UPP2: variants seen among roughly 807,000 people sequenced by gnomAD.
UPP2 encodes UPase 2.
In UPP2, 23 loss-of-function variants were observed where a neutral mutation model predicts 26.7. The ratio of observed to expected loss-of-function variants is 0.86; its 90% confidence interval spans 0.62 to 1.22. The LOEUF (loss-of-function observed/expected upper bound fraction) is 1.22, where lower values mean the gene tolerates loss of function less well. Among genes scored for constraint, UPP2 ranks in the 50% most tolerant of loss-of-function variants. UPP2 has a pLI of 0.00. For missense variants in UPP2, 387 were observed against 396.7 expected (o/e 0.98, Z 0.21); for synonymous variants, 127 against 141.3 (o/e 0.90, Z 0.72).
At chr2:158,100,438 A>G (rs150301297), upstream of UPP2, among the ~76,000 whole-genome samples, 149 of 152,360 alleles carry the variant, frequency 9.8e-4, no homozygotes, top group African/African-American at 3.3e-3. Flanking sequence ...CCAGAGGTAA[A>G]TGCCAGATTG....
At chr2:158,064,215 G>A (rs1682398653) in intron 3 of UPP2, among the ~76,000 whole-genome samples, 1 of 152,222 alleles carries the variant, frequency 6.6e-6, no homozygotes, top group Admixed American at 6.5e-5. Context: ...CCCACCAACA[G>A]TGTAAAAGTG....
At chr2:158,016,779 G>A (rs1441375417) in intron 3 of UPP2, among the ~76,000 whole-genome samples, 3 of 152,064 alleles carry the variant, frequency 2.0e-5, no homozygotes, top group Admixed American at 2.0e-4. Context: ...ATAATTAAGT[G>A]TTGAGAGGGC....
At chr2:158,091,237 G>A (rs1682907231) in intron 3 of UPP2, among the ~76,000 whole-genome samples, 2 of 152,094 alleles carry the variant, frequency 1.3e-5, no homozygotes, top group Admixed American at 1.3e-4. Context: ...TCTGTGTACT[G>A]GATTCCCATG....
intron 2 of UPP2, among the ~76,000 whole-genome samples, chr2:158,001,150 C>T (rs58970678): frequency 0.021 from 3,152 of 152,316 alleles, 108 homozygotes; most frequent in African/African-American, 0.072. Flanking sequence ...TTCTCAAATG[C>T]ACCTGTTTCT....
chr2:158,008,333 T>C (rs1467405298), intron 2 of UPP2, among the ~76,000 whole-genome samples: 1 of 152,198 alleles, frequency 6.6e-6, no homozygotes, highest in African/African-American at 2.4e-5. Context: ...TAATTACCTT[T>C]TGGAATGCTG....
chr2:158,134,766 C>T lies in UPP2; in HGVS notation c.830C>T (p.Thr277Ile), dbSNP rs967806646. 1.1e-5 allele frequency: 17 copies of T among 1,611,742 alleles called. No homozygotes were observed. The East Asian group carries it at 2.5e-4, about 23-fold the overall frequency. ...CTTCTAGCTGCTGTGGTCTGTGTGA[C>T]ACTTCTCGACAGACTCGACTGTGAT... ...CGLKAAVVCV[T>I]LLDRLDCDQI... Residue 277 changes from threonine (T) to isoleucine (I), a missense_variant, in exon 7 of 7, where the codon ACA becomes ATA. Transcript: ENST00000005756.
At chr2:158,055,349 C>T (rs1415949548) in intron 3 of UPP2, among the ~76,000 whole-genome samples, 1 of 152,218 alleles carries the variant, frequency 6.6e-6, no homozygotes, top group Non-Finnish European at 1.5e-5. Context: ...GCAGAGCCCT[C>T]ACCACCCAAT....
chr2:158,065,169 C>T (rs772433269), intron 3 of UPP2, among the ~76,000 whole-genome samples: 43 of 152,164 alleles, frequency 2.8e-4, no homozygotes, highest in Non-Finnish European at 6.0e-4. Context: ...GTGGAGATCA[C>T]TGCCAGGCAT....
intron 3 of UPP2, among the ~76,000 whole-genome samples, chr2:158,085,184 T>C (rs1167504928): frequency 6.6e-6 from 1 of 152,142 alleles, no homozygotes; most frequent in East Asian, 1.9e-4. Flanking sequence ...TGTTTTGCAG[T>C]TTTCCTTGTA....
intron 2 of UPP2, among the ~76,000 whole-genome samples, chr2:158,005,979 C>T (rs1311224670): frequency 6.6e-6 from 1 of 152,172 alleles, no homozygotes; most frequent in Non-Finnish European, 1.5e-5. Flanking sequence ...CTCACACTCA[C>T]CTAGGGAATG....
intron 3 of UPP2, among the ~76,000 whole-genome samples, chr2:158,042,212 C>G (rs978845791): frequency 6.6e-6 from 1 of 152,180 alleles, no homozygotes; most frequent in Non-Finnish European, 1.5e-5. Flanking sequence ...CACCCCTTCC[C>G]TGCTACTCTG....
At chr2:158,054,029 AG>A in intron 3 of UPP2, among the ~76,000 whole-genome samples, 1 of 152,286 alleles carries the variant, frequency 6.6e-6, no homozygotes, top group Admixed American at 6.5e-5. Flanking sequence ...AAAGTGCAAA[AG>A]GAGACCGAGG....
chr2:158,081,713 A>G (rs1456815692), intron 3 of UPP2, among the ~76,000 whole-genome samples: 1 of 152,114 alleles, frequency 6.6e-6, no homozygotes, highest in African/African-American at 2.4e-5. Context: ...ACAGAAAGAT[A>G]AACTTCACAT....
chr2:158,090,451 A>G (rs978329954), intron 3 of UPP2, among the ~76,000 whole-genome samples: 1 of 152,124 alleles, frequency 6.6e-6, no homozygotes, highest in Non-Finnish European at 1.5e-5. Flanking sequence ...CAGTGAGCCG[A>G]GATGGTGCCA....
intron 3 of UPP2, among the ~76,000 whole-genome samples, chr2:158,051,172 T>C (rs1682150485): frequency 6.9e-6 from 1 of 144,910 alleles, no homozygotes; most frequent in Non-Finnish European, 1.5e-5. Flanking sequence ...TGTGTGTGTG[T>C]GTGTGTGTGT....
chr2:158,001,641 C>G (rs1683409036), intron 2 of UPP2, among the ~76,000 whole-genome samples: 1 of 152,142 alleles, frequency 6.6e-6, no homozygotes, highest in Non-Finnish European at 1.5e-5. Context: ...AAACATCAAG[C>G]ACGCCCTAGA....
At chr2:158,119,033 C>A (rs571975529) in intron 4 of UPP2, among the ~76,000 whole-genome samples, 2 of 152,146 alleles carry the variant, frequency 1.3e-5, no homozygotes, top group South Asian at 4.1e-4. Flanking sequence ...AGGCATCCTT[C>A]TAGATTGTAG....
rs1683083688 is a variant in UPP2 at position 158,101,945 on chromosome 2, G to C, written c.-119G>C. On this transcript the variant is annotated 5_prime_UTR_variant, in exon 1 of 7. Transcript: ENST00000005756. ...TCACAGGAAAACCTAAGTTTTAAGA[G>C]AGGTTATCATTCTGACTGGGAACTG... is the stretch of plus-strand genomic sequence containing the variant. 7.0e-7 allele frequency: 1 copy of C among 1,426,506 alleles called. No individual in the cohort carries two copies. Among genetic ancestry groups the C allele is most frequent in the Non-Finnish European group, 9.2e-7 (1 of 1,088,610 alleles). 88.4% of individuals were successfully genotyped at this position (1,426,506 alleles called of 1,614,324 possible). A position where few individuals can be genotyped will look rare whatever the true frequency, so the allele number is the denominator to read the frequency against.
chr2:158,111,369 G>A (rs1051794659), intron 2 of UPP2, among the ~76,000 whole-genome samples: 41 of 151,806 alleles, frequency 2.7e-4, no homozygotes, highest in African/African-American at 4.8e-5. Flanking sequence ...AATTTTCTTT[G>A]CTCTGAAGCC....
Sources: gnomAD v4.1 joint callset for allele counts (sites outside exome capture counted in the v4.1 genomes callset) on GRCh38, gnomAD v4.1.1 for gene constraint, MANE v1.5 for transcripts, NCBI Gene and HGNC (gene_info 2026-07-23, HGNC 2026-07-21) for gene names.